POU6F2: variants seen among roughly 807,000 people sequenced by gnomAD.
POU6F2 encodes the protein POU class 6 homeobox 2, also known as POU domain, class 6, transcription factor 2.
Under a neutral mutation model 71.3 loss-of-function variants are expected in POU6F2, and 31 were observed. That is an observed-to-expected ratio of 0.43 (90% CI 0.33 to 0.59). The LOEUF (loss-of-function observed/expected upper bound fraction) is 0.59. POU6F2 is among the 20% of genes least tolerant of loss of function. The pLI is 0.04. For missense variants in POU6F2, 783 were observed against 856.8 expected, an observed-to-expected ratio of 0.91 and a Z score of 1.07; for synonymous variants, 347 against 355.7, an observed-to-expected ratio of 0.98 and a Z score of 0.27.
chr7:39,147,472 C>T (rs1344571391), intron 2 of POU6F2, among the ~76,000 whole-genome samples: 6 of 152,144 alleles, frequency 3.9e-5, no homozygotes, highest in Admixed American at 3.9e-4. Context: ...GTTGAGGTCG[C>T]TTGTAAACTA....
chr7:39,178,571 AAATTT>A (rs534933432), intron 2 of POU6F2, among the ~76,000 whole-genome samples: 208 of 152,326 alleles, frequency 1.4e-3, no homozygotes, highest in Non-Finnish European at 2.4e-3. Flanking sequence ...TATTATTTTT[AAATTT>A]AATTTAACAA....
intron 5 of POU6F2, among the ~76,000 whole-genome samples, chr7:39,401,830 T>A (rs1314190317): frequency 1.3e-5 from 2 of 152,176 alleles, no homozygotes; most frequent in Non-Finnish European, 2.9e-5. Context: ...CCAAAATCCA[T>A]ACTCTATAAA....
intron 4 of POU6F2, among the ~76,000 whole-genome samples, chr7:39,278,964 C>T (rs1784511605): frequency 6.6e-6 from 1 of 152,194 alleles, no homozygotes; most frequent in Non-Finnish European, 1.5e-5. Context: ...CACACAAACA[C>T]ACCTCCAGTT....
rs1788469365 is a variant in POU6F2, at chr7:39,444,054, A to C, written c.1321-7479A>C. On this transcript the variant is annotated intron_variant, in intron 7 of 9. Transcript: ENST00000518318. ...ATTTAATAAAAGTAATGACATCTTT[A>C]ATGAATTTTCACATCTGCCTACCAT... Among the ~76,000 whole-genome samples, 3 of 152,244 alleles carry C rather than the reference A, an allele frequency of 2.0e-5. No individual in the cohort carries two copies. In the South Asian group the frequency reaches 6.2e-4, roughly 32 times the overall value.
intron 1 of POU6F2, among the ~76,000 whole-genome samples, chr7:39,074,806 C>T (rs568037321): frequency 1.3e-5 from 2 of 152,246 alleles, no homozygotes; most frequent in African/African-American, 2.4e-5. Context: ...TCGGAAGGGT[C>T]GCGGACAGCA....
chr7:39,102,017 T>C (rs1294662603), intron 2 of POU6F2, among the ~76,000 whole-genome samples: 2 of 152,172 alleles, frequency 1.3e-5, no homozygotes, highest in Admixed American at 1.3e-4. Context: ...GGTCTTCTGA[T>C]CCTCCAGAGA....
At chr7:39,459,499 C>T (rs571879017) in intron 8 of POU6F2, among the ~76,000 whole-genome samples, 2 of 147,650 alleles carry the variant, frequency 1.4e-5, no homozygotes, top group Non-Finnish European at 3.0e-5. Context: ...TTTTGTTTCA[C>T]GACAACTAGA....
chr7:39,365,888 A>G (rs1205193669), intron 5 of POU6F2, among the ~76,000 whole-genome samples: 1 of 152,120 alleles, frequency 6.6e-6, no homozygotes, highest in African/African-American at 2.4e-5. Context: ...CTTGAGGTTA[A>G]TGGTTATGTA....
At chr7:39,189,766 T>G (rs1157460565) in intron 2 of POU6F2, among the ~76,000 whole-genome samples, 3 of 152,142 alleles carry the variant, frequency 2.0e-5, no homozygotes, top group Admixed American at 2.0e-4. Flanking sequence ...GTCATAACAT[T>G]GTCCCACTTT....
At chr7:39,295,631 A>G (rs1042539949) in intron 4 of POU6F2, among the ~76,000 whole-genome samples, 1 of 152,224 alleles carries the variant, frequency 6.6e-6, no homozygotes, top group African/African-American at 2.4e-5. Context: ...AAGAAGTTGG[A>G]TATGGGAAAG....
chr7:39,208,511 G>T (rs1027588746), intron 4 of POU6F2, among the ~76,000 whole-genome samples: 1 of 152,140 alleles, frequency 6.6e-6, no homozygotes, highest in South Asian at 2.1e-4. Flanking sequence ...TTTTTTAGCT[G>T]GTCAAATGTT....
intron 4 of POU6F2, among the ~76,000 whole-genome samples, chr7:39,220,981 T>C (rs1418310489): frequency 1.3e-5 from 2 of 152,148 alleles, no homozygotes; most frequent in African/African-American, 4.8e-5. Context: ...TATTTATATA[T>C]TGATAATGTG....
chr7:39,448,793 T>C (rs572110432), intron 7 of POU6F2, among the ~76,000 whole-genome samples: 2 of 152,342 alleles, frequency 1.3e-5, no homozygotes, highest in South Asian at 2.1e-4. Flanking sequence ...GAAGACAATC[T>C]AATGATTCAG....
intron 4 of POU6F2, among the ~76,000 whole-genome samples, chr7:39,267,360 C>T (rs1784266720): frequency 6.6e-6 from 1 of 152,106 alleles, no homozygotes; most frequent in Admixed American, 6.5e-5. Context: ...TTCAATCGTT[C>T]AGGAATTAAT....
chr7:39,113,007 A>T (rs1167029500), intron 2 of POU6F2, among the ~76,000 whole-genome samples: 1 of 152,198 alleles, frequency 6.6e-6, no homozygotes, highest in Non-Finnish European at 1.5e-5. Flanking sequence ...GAAAACTCAC[A>T]CGAATATCTT....
rs747696838 is a variant in POU6F2, at chr7:39,339,942, G to GC, written c.905dup (p.Gln303AlafsTer4). ...CCATCTCCAACCCAGCAGAGCTCCAGCCCCCCGCAGAAACCTAGTCAGTCT... is the reference window on the plus strand; with the variant it reads ...CCATCTCCAACCCAGCAGAGCTCCAGCCCCCCCGCAGAAACCTAGTCAGTCT... On this transcript the variant is annotated frameshift_variant, in exon 5 of 10. Coordinates refer to ENST00000518318, the MANE Select transcript of POU6F2 (RefSeq NM_001370959.1). LOFTEE classifies it high-confidence loss of function. 1.9e-6 allele frequency: 3 copies of GC among 1,613,790 alleles called. No homozygotes were observed. The highest frequency in any genetic ancestry group is 1.7e-6 in the Non-Finnish European group (2 of 1,179,836).
chr7:39,413,242 C>T (rs768843395), intron 6 of POU6F2, among the ~76,000 whole-genome samples: 10 of 152,080 alleles, frequency 6.6e-5, no homozygotes, highest in African/African-American at 2.2e-4. Context: ...GAAACCGTAG[C>T]ACCTTCTTCT....
intron 3 of POU6F2, among the ~76,000 whole-genome samples, chr7:39,206,739 C>G (rs1256958643): frequency 6.6e-6 from 1 of 152,022 alleles, no homozygotes; most frequent in African/African-American, 2.4e-5. Context: ...TATTTTGAAA[C>G]AATACATGTT....
chr7:39,330,492 T>C (rs551642958), intron 4 of POU6F2, among the ~76,000 whole-genome samples: 12 of 152,302 alleles, frequency 7.9e-5, no homozygotes, highest in Admixed American at 4.6e-4. Context: ...TGTTTATAGG[T>C]TGTTCCAAAA....
Sources: allele counts gnomAD v4.1 joint callset (sites outside exome capture counted in the v4.1 genomes callset), GRCh38; gene constraint gnomAD v4.1.1; transcripts MANE v1.5; gene names NCBI Gene and HGNC (gene_info 2026-07-23, HGNC 2026-07-21).